Variants in ITFG1 observed in about 807,000 individuals in gnomAD.
The protein encoded by ITFG1 is T-cell immunomodulatory protein.
Under a neutral mutation model 81.8 loss-of-function variants are expected in ITFG1, and 34 were observed. That is an observed-to-expected ratio of 0.42 (90% confidence interval 0.32 to 0.55). The LOEUF is 0.55. Among genes scored for constraint, ITFG1 ranks in the 20% least tolerant of loss-of-function variants. The pLI, the probability that ITFG1 is intolerant of heterozygous loss-of-function variation, is 0.17. For missense variants in ITFG1, 672 were observed against 755.4 expected, an observed-to-expected ratio of 0.89 and a Z score of 1.29; for synonymous variants, 285 against 270.6, an observed-to-expected ratio of 1.05 and a Z score of -0.52.
At chr16:47,240,511 T>C (rs886990098) in intron 12 of ITFG1, among the ~76,000 whole-genome samples, 8 of 152,096 alleles carry the variant, frequency 5.3e-5, no homozygotes, top group Non-Finnish European at 1.0e-4. Context: ...CCAAAGAAGA[T>C]ATACAGATGG....
At chr16:47,271,453 A>AC (rs1164331769) in intron 10 of ITFG1, among the ~76,000 whole-genome samples, 20 of 152,214 alleles carry the variant, frequency 1.3e-4, no homozygotes, top group African/African-American at 4.8e-4. Flanking sequence ...AATAAAAAAG[A>AC]CAGGTAACAG....
In ITFG1 at chr16:47,203,536, A is replaced by T. The variant is rs568826002; in HGVS notation, c.1453+15332T>A. ...GTCCCATCTGGGGGTGATGGGAGACAGTGACAGATCATCAGGCATAGATTC... is the reference window on the plus strand; with the variant it reads ...GTCCCATCTGGGGGTGATGGGAGACTGTGACAGATCATCAGGCATAGATTC... On this transcript the variant is annotated intron_variant, in intron 14 of 17. Coordinates refer to ENST00000320640, the MANE Select transcript of ITFG1 (RefSeq NM_030790.5). Among the ~76,000 whole-genome samples, 4 of 152,348 alleles carry T rather than the reference A, an allele frequency of 2.6e-5. No homozygotes were observed. The East Asian group carries it at 7.7e-4, about 29-fold the overall frequency.
intron 10 of ITFG1, among the ~76,000 whole-genome samples, chr16:47,302,166 T>G (rs1371820967): frequency 6.6e-6 from 1 of 152,198 alleles, no homozygotes; most frequent in Non-Finnish European, 1.5e-5. Context: ...ATTCTGGTTC[T>G]TTAAGACTCC....
chr16:47,376,382 C>G (rs899378231), intron 6 of ITFG1, among the ~76,000 whole-genome samples: 1 of 152,044 alleles, frequency 6.6e-6, no homozygotes, highest in Non-Finnish European at 1.5e-5. Context: ...AGTTTTTGCA[C>G]TCATGTTAAA....
intron 14 of ITFG1, among the ~76,000 whole-genome samples, chr16:47,192,758 T>A (rs1347048006): frequency 3.9e-5 from 6 of 152,146 alleles, no homozygotes; most frequent in Admixed American, 2.0e-4. Flanking sequence ...TCTGGAAGTT[T>A]GTTTGTTTGT....
At chr16:47,252,645 A>G (rs974645101) in intron 12 of ITFG1, among the ~76,000 whole-genome samples, 8 of 152,208 alleles carry the variant, frequency 5.3e-5, no homozygotes. Context: ...AGTGCTGTGG[A>G]TCTGCTGTGC....
chr16:47,420,579 T>A (rs1314099639), intron 6 of ITFG1, among the ~76,000 whole-genome samples: 1 of 152,208 alleles, frequency 6.6e-6, no homozygotes, highest in Non-Finnish European at 1.5e-5. Flanking sequence ...CTTGGTGCCA[T>A]CCTCACGGTA....
At chr16:47,425,054 A>T (rs1969001927) in intron 6 of ITFG1, among the ~76,000 whole-genome samples, 1 of 152,000 alleles carries the variant, frequency 6.6e-6, no homozygotes, top group African/African-American at 2.4e-5. Flanking sequence ...GGTGGAATCT[A>T]GTGGCAGTAG....
At chr16:47,183,845 C>G (rs1251163726) in intron 14 of ITFG1, among the ~76,000 whole-genome samples, 1 of 152,062 alleles carries the variant, frequency 6.6e-6, no homozygotes. Flanking sequence ...CTCTGAGCTA[C>G]AGGAGGACAT....
intron 5 of ITFG1, among the ~76,000 whole-genome samples, chr16:47,441,117 A>G (rs1388883894): frequency 1.3e-5 from 2 of 152,234 alleles, no homozygotes; most frequent in Admixed American, 6.5e-5. Flanking sequence ...CACCCTCCCA[A>G]GACTAAACCA....
At chr16:47,191,509 C>T (rs1025921379) in intron 14 of ITFG1, among the ~76,000 whole-genome samples, 18 of 152,024 alleles carry the variant, frequency 1.2e-4, no homozygotes, top group African/African-American at 4.1e-4. Context: ...AAAGATTGGA[C>T]ATGCCTGTAT....
Position 47,245,031 on chromosome 16 carries a change from A to T in ITFG1, c.1331-7023T>A, listed in dbSNP as rs575470561. Among the ~76,000 whole-genome samples the T allele has an allele frequency of 8.3e-4, 126 of 152,262 alleles. 1 individual carries two copies. The highest frequency in any genetic ancestry group is 2.0e-3 in the Admixed American group (30 of 15,294). ...GTTATGGAAGCCTGAGCAGACTAAT[A>T]CACATACATACTTCCTTTTAAAAAA... On this transcript the variant is annotated intron_variant, in intron 12 of 17. Coordinates refer to ENST00000320640, the MANE Select transcript of ITFG1 (RefSeq NM_030790.5).
chr16:47,260,232 C>T (rs1024678768), intron 11 of ITFG1, among the ~76,000 whole-genome samples: 18 of 152,060 alleles, frequency 1.2e-4, no homozygotes, highest in African/African-American at 3.9e-4. Context: ...CCACCGCGCC[C>T]GGCCTGTTGG....
rs1004097437 is a variant in ITFG1, at chr16:47,372,068, G to A, written c.720+3808C>T. On this transcript the variant is annotated intron_variant, in intron 7 of 17. Transcript: ENST00000320640. ...GCTGGGACTACAGGCGCCCGCCACC[G>A]CACCCAGCTAATTTTCTGTATTTTT... Among the ~76,000 whole-genome samples, 11 of 151,500 alleles carry A rather than the reference G, an allele frequency of 7.3e-5. No homozygotes were observed. The East Asian group carries it at 1.2e-3, about 16-fold the overall frequency.
chr16:47,381,812 T>C (rs1968399738), intron 6 of ITFG1, among the ~76,000 whole-genome samples: 1 of 152,246 alleles, frequency 6.6e-6, no homozygotes, highest in South Asian at 2.1e-4. Flanking sequence ...TCTCACTCTT[T>C]GCAGCAGCAG....
chr16:47,225,281 A>C (rs965921539), intron 13 of ITFG1, among the ~76,000 whole-genome samples: 1 of 152,180 alleles, frequency 6.6e-6, no homozygotes, highest in Non-Finnish European at 1.5e-5. Flanking sequence ...AAATGAACAG[A>C]GCCTCTGAGA....
chr16:47,359,260 G>A (rs1040187812), intron 8 of ITFG1, among the ~76,000 whole-genome samples: 1 of 152,106 alleles, frequency 6.6e-6, no homozygotes, highest in Non-Finnish European at 1.5e-5. Context: ...CCAACTCTGT[G>A]TCTCTCCAGA....
At chr16:47,188,007 A>G (rs1440591387) in intron 14 of ITFG1, among the ~76,000 whole-genome samples, 2 of 152,150 alleles carry the variant, frequency 1.3e-5, no homozygotes, top group Non-Finnish European at 2.9e-5. Flanking sequence ...AAAACACATG[A>G]AAAAATGCTC....
At chr16:47,353,309 A>G (rs1397144808) in intron 8 of ITFG1, among the ~76,000 whole-genome samples, 1 of 152,200 alleles carries the variant, frequency 6.6e-6, no homozygotes, top group Non-Finnish European at 1.5e-5. Context: ...GAGATTGACA[A>G]TAATAGATGA....
Sources: allele counts gnomAD v4.1 joint callset (sites outside exome capture counted in the v4.1 genomes callset), GRCh38; gene constraint gnomAD v4.1.1; transcripts MANE v1.5; gene names NCBI Gene and HGNC (gene_info 2026-07-23, HGNC 2026-07-21).